The following TMEM132D variants were observed in gnomAD, a reference collection of about 807,000 sequenced individuals.
The protein encoded by TMEM132D is mature OL transmembrane protein.
TMEM132D carries 21 observed loss-of-function variants against 62.3 expected under a neutral mutation model. The observed-to-expected ratio is 0.34, with a 90% CI of 0.24 to 0.49. TMEM132D has a LOEUF of 0.49. Ranked by LOEUF, TMEM132D falls within the 20% of genes least tolerant of loss-of-function variation. TMEM132D has a pLI of 0.99. For missense variants in TMEM132D, 1,346 were observed against 1,402.8 expected (o/e 0.96, Z 0.65); for synonymous variants, 621 against 575.6 (o/e 1.08, Z -1.13).
At chr12:129,086,367 TTAAG>T (rs964313280) in intron 5 of TMEM132D, among the ~76,000 whole-genome samples, 28 of 152,314 alleles carry the variant, frequency 1.8e-4, no homozygotes, top group African/African-American at 6.5e-4. Context: ...ATTGTACCTC[TTAAG>T]TAATTTCTCA....
chr12:129,840,745 G>T (rs921839799), intron 1 of TMEM132D, among the ~76,000 whole-genome samples: 12 of 152,112 alleles, frequency 7.9e-5, no homozygotes, highest in Non-Finnish European at 1.2e-4. Context: ...CAACACCAGC[G>T]AGCTTCTGAA....
At chr12:129,790,442 G>C (rs894851802) in intron 1 of TMEM132D, among the ~76,000 whole-genome samples, 1 of 152,184 alleles carries the variant, frequency 6.6e-6, no homozygotes, top group African/African-American at 2.4e-5. Context: ...GAGCTGAAAA[G>C]GGCTTGGAGT....
chr12:129,671,226 G>T (rs1593113938), intron 2 of TMEM132D, among the ~76,000 whole-genome samples: 2 of 152,168 alleles, frequency 1.3e-5, no homozygotes, highest in East Asian at 3.9e-4. Context: ...TTCACCTTCA[G>T]GAACTTGTAT....
At chr12:129,637,038 T>C (rs2137171617) in intron 2 of TMEM132D, among the ~76,000 whole-genome samples, 1 of 152,280 alleles carries the variant, frequency 6.6e-6, no homozygotes, top group Admixed American at 6.5e-5. Flanking sequence ...TCAGCACGAA[T>C]TGGAAATATG....
At chr12:129,659,189 C>T (rs996520369) in intron 2 of TMEM132D, among the ~76,000 whole-genome samples, 1 of 152,102 alleles carries the variant, frequency 6.6e-6, no homozygotes, top group South Asian at 2.1e-4. Flanking sequence ...CCAGATGATG[C>T]CACCTGGAGT....
intron 5 of TMEM132D, among the ~76,000 whole-genome samples, chr12:129,191,293 AC>A (rs2135556541): frequency 7.2e-4 from 1 of 1,384 alleles, no homozygotes; most frequent in East Asian, 0.02. Context: ...GGGAAATAGG[AC>A]ACACACACAC....
intron 5 of TMEM132D, among the ~76,000 whole-genome samples, chr12:129,128,394 T>G (rs554234150): frequency 6.6e-6 from 1 of 151,870 alleles, no homozygotes; most frequent in Non-Finnish European, 1.5e-5. Flanking sequence ...TGGTGGAAGG[T>G]GAAGAGGAAG....
At position 129,130,039 on chromosome 12, in the gene TMEM132D, G is replaced by GTGTGTGTT. The variant is rs1452378309; in HGVS notation, c.1444-45338_1444-45337insAACACACA. On this transcript the variant is annotated intron_variant, in intron 5 of 8. Transcript: ENST00000422113. ...TCTGTGTGTGTGTGTGTGTGTGTGT[G>GTGTGTGTT]TGTGTGTGTGTGTGTTTATTTATGC... is the stretch of plus-strand genomic sequence containing the variant. Among the ~76,000 whole-genome samples, 279 of 151,842 alleles carry GTGTGTGTT rather than the reference G, an allele frequency of 1.8e-3. 1 individual carries two copies. The highest frequency in any genetic ancestry group is 6.4e-3 in the African/African-American group (265 of 41,418).
intron 7 of TMEM132D, among the ~76,000 whole-genome samples, chr12:129,080,856 T>G (rs1404490596): frequency 6.6e-6 from 1 of 152,202 alleles, no homozygotes; most frequent in African/African-American, 2.4e-5. Flanking sequence ...CCCAGAACAC[T>G]GTTTTGTTAA....
At chr12:129,209,716 C>G in intron 4 of TMEM132D, 53 bp from the exon 5 acceptor site, 1 of 1,601,782 alleles carries the variant, frequency 6.2e-7, no homozygotes. Flanking sequence ...ACGGCCCAGT[C>G]CCTGGGAGTA....
intron 1 of TMEM132D, among the ~76,000 whole-genome samples, chr12:129,802,617 G>A (rs1402669505): frequency 2.4e-5 from 3 of 123,978 alleles, no homozygotes; most frequent in Non-Finnish European, 5.1e-5. Flanking sequence ...AGACTAGGAA[G>A]AAACTGCATC....
At chr12:129,854,730 G>C (rs981791776) in intron 1 of TMEM132D, 5 of 152,186 alleles carry the variant, frequency 3.3e-5, no homozygotes, top group African/African-American at 1.2e-4. Context: ...GGTAGGTGTT[G>C]TGCTAGCACC....
chr12:129,735,057 C>T (rs933026585), intron 1 of TMEM132D, among the ~76,000 whole-genome samples: 2 of 151,656 alleles, frequency 1.3e-5, no homozygotes, highest in African/African-American at 4.8e-5. Flanking sequence ...AAGTTAAAGG[C>T]CAGAAAGATT....
intron 5 of TMEM132D, among the ~76,000 whole-genome samples, chr12:129,147,399 G>A (rs999172419): frequency 6.6e-5 from 10 of 151,324 alleles, no homozygotes; most frequent in African/African-American, 2.4e-4. Flanking sequence ...TAGAGGATAC[G>A]TGAGCATAAA....
intron 3 of TMEM132D, among the ~76,000 whole-genome samples, chr12:129,520,390 C>A (rs1464471839): frequency 6.6e-6 from 1 of 152,214 alleles, no homozygotes; most frequent in Non-Finnish European, 1.5e-5. Flanking sequence ...TGGCTGCAAA[C>A]AATAGTCTCC....
At chr12:129,400,586 G>T (rs1311038096) in intron 3 of TMEM132D, among the ~76,000 whole-genome samples, 1 of 152,132 alleles carries the variant, frequency 6.6e-6, no homozygotes, top group Non-Finnish European at 1.5e-5. Context: ...TTCACATGGA[G>T]AGCTGCCTGG....
At chr12:129,360,915 C>T (rs1870228298) in intron 3 of TMEM132D, among the ~76,000 whole-genome samples, 3 of 152,062 alleles carry the variant, frequency 2.0e-5, no homozygotes, top group Admixed American at 2.0e-4. Context: ...TGTGTAGGCT[C>T]ACTGCTGGGC....
chr12:129,767,421 C>T (rs545582983), intron 1 of TMEM132D, among the ~76,000 whole-genome samples: 2 of 152,244 alleles, frequency 1.3e-5, no homozygotes, highest in African/African-American at 4.8e-5. Context: ...TGCTGTGTAA[C>T]CATCACCATC....
intron 5 of TMEM132D, among the ~76,000 whole-genome samples, chr12:129,104,728 C>T (rs1032324097): frequency 2.6e-4 from 40 of 151,240 alleles, no homozygotes; most frequent in African/African-American, 8.3e-4. Flanking sequence ...AAAAAGTGGG[C>T]GAAGGACATG....
Sources: gnomAD v4.1 joint callset for allele counts (sites outside exome capture counted in the v4.1 genomes callset) on GRCh38, gnomAD v4.1.1 for gene constraint, MANE v1.5 for transcripts, NCBI Gene and HGNC (gene_info 2026-07-23, HGNC 2026-07-21) for gene names.